Variants in GNAL observed in about 807,000 individuals in gnomAD.
GNAL encodes the protein G protein subunit alpha L, also known as guanine nucleotide-binding protein G(olf) subunit alpha.
In GNAL, 18 loss-of-function variants were observed where a neutral mutation model predicts 55.1. The observed-to-expected ratio is 0.33, with a 90% CI of 0.23 to 0.48. The LOEUF (loss-of-function observed/expected upper bound fraction) is 0.48. Among genes scored for constraint, GNAL ranks in the 20% least tolerant of loss-of-function variants. The probability of loss-of-function intolerance (pLI) is 0.99; values close to 1 mark genes in which losing one functional copy is unlikely to be tolerated. For synonymous variants in GNAL, 253 were observed against 237.0 expected (o/e 1.07, Z -0.62); for missense variants, 412 against 614.1 (o/e 0.67, Z 3.48).
chr18:11,729,285 G>A (rs572808916), intron 1 of GNAL, among the ~76,000 whole-genome samples: 1 of 152,176 alleles, frequency 6.6e-6, no homozygotes, highest in East Asian at 1.9e-4. Flanking sequence ...TGGTCTTAGC[G>A]CTCCTCTTGC....
At chr18:11,726,788 G>A (rs1339631847) in intron 1 of GNAL, among the ~76,000 whole-genome samples, 1 of 152,192 alleles carries the variant, frequency 6.6e-6, no homozygotes, top group Non-Finnish European at 1.5e-5. Context: ...GACAGGTAGT[G>A]TTAAGTTCCA....
chr18:11,852,003 C>T (rs1475020363), intron 5 of GNAL: 7 of 1,613,582 alleles, frequency 4.3e-6, no homozygotes, highest in Non-Finnish European at 5.9e-6. Flanking sequence ...GCCTCGACCT[C>T]AACATGGAGC....
At chr18:11,864,451 G>C (rs951280064) in intron 6 of GNAL, 82 bp from the exon 7 acceptor site, 3 of 777,894 alleles carry the variant, frequency 3.9e-6, no homozygotes, top group African/African-American at 3.4e-5. Flanking sequence ...GAAAAATATT[G>C]ATGAGGTATA....
At chr18:11,815,820 A>ATT (rs1232296797) in intron 4 of GNAL, among the ~76,000 whole-genome samples, 1 of 152,206 alleles carries the variant, frequency 6.6e-6, no homozygotes, top group Non-Finnish European at 1.5e-5. Flanking sequence ...TCTTACTTTT[A>ATT]TTTTTAAAAA....
chr18:11,880,608 A>C (rs866997818), intron 11 of GNAL, among the ~76,000 whole-genome samples: 7 of 152,232 alleles, frequency 4.6e-5, no homozygotes, highest in African/African-American at 1.7e-4. Flanking sequence ...AAATAAAATT[A>C]GCTAATTAGA....
At chr18:11,743,873 T>TA (rs1436418182) in intron 1 of GNAL, among the ~76,000 whole-genome samples, 1 of 151,902 alleles carries the variant, frequency 6.6e-6, no homozygotes, top group Non-Finnish European at 1.5e-5. Context: ...TCTCTTAAAA[T>TA]ACACCAGTGG....
rs531895451 is a variant in GNAL at position 11,815,775 on chromosome 18, A to T, written c.625-9143A>T. ...AAAATATTTGCAAAACCTATAGCTG[A>T]TAAAGGATTTTAATCCAGATTATTT... On this transcript the variant is annotated intron_variant, in intron 4 of 11. Coordinates refer to ENST00000334049, the MANE Select transcript of GNAL (RefSeq NM_182978.4). Among the ~76,000 whole-genome samples, 7 of 152,366 alleles carry T rather than the reference A, an allele frequency of 4.6e-5. No individual in the cohort carries two copies. In the East Asian group the frequency reaches 1.3e-3, roughly 29 times the overall value.
intron 4 of GNAL, among the ~76,000 whole-genome samples, chr18:11,796,348 C>T (rs1048420068): frequency 3.0e-4 from 45 of 151,454 alleles, no homozygotes; most frequent in Non-Finnish European, 6.2e-4. Context: ...GAGGCTGAGG[C>T]GGGCGGATCA....
At chr18:11,840,571 T>C (rs906261282) in intron 5 of GNAL, among the ~76,000 whole-genome samples, 1 of 152,202 alleles carries the variant, frequency 6.6e-6, no homozygotes, top group Non-Finnish European at 1.5e-5. Flanking sequence ...TCTGTGTGTT[T>C]GGTATCTGGG....
At chr18:11,769,483 T>C (rs1035668675) in intron 4 of GNAL, among the ~76,000 whole-genome samples, 3 of 152,092 alleles carry the variant, frequency 2.0e-5, no homozygotes, top group African/African-American at 7.2e-5. Context: ...TGGGGGACAG[T>C]AAGCTTTGGC....
intron 4 of GNAL, among the ~76,000 whole-genome samples, chr18:11,761,993 T>C (rs2033259044): frequency 6.6e-6 from 1 of 152,214 alleles, no homozygotes; most frequent in Non-Finnish European, 1.5e-5. Context: ...ATTGATTCTA[T>C]AGGGCCTAAC....
At chr18:11,842,829 T>G (rs2035648576) in intron 5 of GNAL, among the ~76,000 whole-genome samples, 1 of 152,158 alleles carries the variant, frequency 6.6e-6, no homozygotes, top group Non-Finnish European at 1.5e-5. Context: ...CCTGACTTAG[T>G]TCATACTCAT....
At chr18:11,762,007 A>C (rs925303554) in intron 4 of GNAL, among the ~76,000 whole-genome samples, 4 of 152,230 alleles carry the variant, frequency 2.6e-5, no homozygotes, top group Non-Finnish European at 5.9e-5. Context: ...GCCTAACAGA[A>C]GTCCCACTTT....
At chr18:11,775,391 T>C (rs771724554) in intron 4 of GNAL, among the ~76,000 whole-genome samples, 7 of 152,264 alleles carry the variant, frequency 4.6e-5, no homozygotes, top group Non-Finnish European at 1.0e-4. Flanking sequence ...TCTGAGATTT[T>C]ACGCAGATGA....
chr18:11,726,612 A>C lies in GNAL; in HGVS notation c.377-26241A>C, dbSNP rs556624225. ...CTTCTGATCCACTGTGCCAGTGGGCACTTCCTTCCTGGACGGTGGGTCCTT... is the reference window on the plus strand; with the variant it reads ...CTTCTGATCCACTGTGCCAGTGGGCCCTTCCTTCCTGGACGGTGGGTCCTT... On this transcript the variant is annotated intron_variant, in intron 1 of 11. Transcript: ENST00000334049. 2.6e-5 allele frequency among the ~76,000 whole-genome samples: 4 copies of C among 151,998 alleles called. No individual in the cohort carries two copies. In the East Asian group the frequency reaches 7.7e-4, roughly 29 times the overall value.
chr18:11,750,704 A>G lies in GNAL; in HGVS notation c.377-2149A>G, dbSNP rs993732984. ...GAATGTGGAAGCCAGGCTGCCAGGT[A>G]CTGAGGTGGGAGCAGCAGGAGGGGA... On this transcript the variant is annotated intron_variant, in intron 1 of 11. Transcript: ENST00000334049. Among the ~76,000 whole-genome samples the G allele has an allele frequency of 2.7e-4, 41 of 152,108 alleles. 1 individual carries two copies. Among genetic ancestry groups the G allele is most frequent in the Non-Finnish European group, 1.5e-5 (1 of 68,020 alleles).
At chr18:11,728,181 T>C (rs1422513279) in intron 1 of GNAL, among the ~76,000 whole-genome samples, 1 of 151,890 alleles carries the variant, frequency 6.6e-6, no homozygotes, top group Admixed American at 6.6e-5. Context: ...ACCACTCCAC[T>C]CCAGCCTGGG....
intron 10 of GNAL, among the ~76,000 whole-genome samples, chr18:11,873,244 T>C (rs1030768616): frequency 6.6e-6 from 1 of 152,252 alleles, no homozygotes; most frequent in Non-Finnish European, 1.5e-5. Flanking sequence ...ATTTATTTTT[T>C]ATCCTCAATG....
intron 5 of GNAL, among the ~76,000 whole-genome samples, chr18:11,859,590 A>C (rs1339550660): frequency 6.6e-6 from 1 of 151,424 alleles, no homozygotes; most frequent in African/African-American, 2.4e-5. Flanking sequence ...CCAGCTCCAC[A>C]CCCTTGGCCA....
Sources: allele counts gnomAD v4.1 joint callset (sites outside exome capture counted in the v4.1 genomes callset), GRCh38; gene constraint gnomAD v4.1.1; transcripts MANE v1.5; gene names NCBI Gene and HGNC (gene_info 2026-07-23, HGNC 2026-07-21).